Variants in MICALL1 observed in about 807,000 individuals in gnomAD.
MICALL1 encodes MICAL like 1, also known as MICAL-like protein 1.
In MICALL1, 61 loss-of-function variants were observed where a neutral mutation model predicts 83.7. That is an observed-to-expected ratio of 0.73 (90% CI 0.59 to 0.90). MICALL1 has a LOEUF of 0.90. MICALL1 is among the 40% of genes least tolerant of loss of function. The pLI, the probability that MICALL1 is intolerant of heterozygous loss-of-function variation, is 0.00. For synonymous variants in MICALL1, 481 were observed against 473.6 expected (o/e 1.02, Z -0.20); for missense variants, 1,066 against 1,152.0 (o/e 0.93, Z 1.08).
intron 2 of MICALL1, 35 bp downstream of exon 2, chr22:37,912,035 C>CTGTG: frequency 6.3e-7 from 1 of 1,586,510 alleles, no homozygotes; most frequent in Non-Finnish European, 8.6e-7. Context: ...CCAAGAGGCT[C>CTGTG]TGTGTATGTG....
In MICALL1 at chr22:37,930,455, C is replaced by G. The variant is rs1002389430; in HGVS notation, c.1882-1344C>G. 6.6e-6 allele frequency among the ~76,000 whole-genome samples: 1 copy of G among 152,216 alleles called. No homozygotes were observed. The highest frequency in any genetic ancestry group is 1.5e-5 in the Non-Finnish European group (1 of 68,038). On this transcript the variant is annotated intron_variant, in intron 9 of 15. Transcript: ENST00000215957. The surrounding 1 kb of genome is among the most constrained non-coding windows in gnomAD (Gnocchi z 4.8). ...CAGAAACCCCAGAGCAGCTCCCACCCCGAGAGCCTCTCTCCCTGGGCTGGC... is the reference window on the plus strand; with the variant it reads ...CAGAAACCCCAGAGCAGCTCCCACCGCGAGAGCCTCTCTCCCTGGGCTGGC...
chr22:37,919,280 A>G (rs1237156914), intron 5 of MICALL1, 102 bp downstream of exon 5: 4 of 1,332,062 alleles, frequency 3.0e-6, no homozygotes, highest in Non-Finnish European at 3.9e-6. Flanking sequence ...CCTTCACACC[A>G]GAGCCCCTGG....
intron 14 of MICALL1, among the ~76,000 whole-genome samples, 171 bp from the exon 15 acceptor site, chr22:37,937,575 C>T (rs1266485234): frequency 6.6e-6 from 1 of 152,262 alleles, no homozygotes; most frequent in African/African-American, 2.4e-5. Context: ...AGGCATGAGC[C>T]ACCACACCCA....
Position 37,924,737 on chromosome 22 carries a change from G to A in MICALL1, c.1082+20G>A. 1 of 1,609,794 alleles carries A rather than the reference G, an allele frequency of 6.2e-7. No homozygotes were observed. The highest frequency in any genetic ancestry group is 8.5e-7 in the Non-Finnish European group (1 of 1,177,724). ...CGAGGGGTATGTCGATCCCTGAGGG[G>A]CTTTCCTGCTTTGGAGGTCCTGGTG... On this transcript the variant is annotated intron_variant, in intron 7 of 15. Coordinates refer to ENST00000215957, the MANE Select transcript of MICALL1 (RefSeq NM_033386.4). This position sits in a 1 kb window ranked among gnomAD's most constrained non-coding sequence, Gnocchi z 5.2.
intron 8 of MICALL1, 46 bp downstream of exon 8, chr22:37,926,089 T>G (rs1601823741): frequency 2.0e-6 from 3 of 1,503,552 alleles, no homozygotes; most frequent in Non-Finnish European, 1.8e-6. Flanking sequence ...AACTCGGGGG[T>G]GGGGCCCGGG....
chr22:37,920,385 G>A (rs901485785), intron 5 of MICALL1, among the ~76,000 whole-genome samples: 3 of 151,996 alleles, frequency 2.0e-5, no homozygotes, highest in Non-Finnish European at 4.4e-5. Context: ...GAACCTGACC[G>A]CAGAATTGGG....
chr22:37,919,138 T>A lies in MICALL1; in HGVS notation c.529T>A (p.Tyr177Asn), dbSNP rs1472622255. 6.5e-7 allele frequency: 1 copy of A among 1,549,350 alleles called. No homozygotes were observed. The highest frequency in any genetic ancestry group is 2.4e-5 in the East Asian group (1 of 40,830). Reference sequence around the variant, plus strand: ...GCAGCATGTGCACTTGGTGCAGCGCTACCTGGCTGACGGCAGGCTGTACCA... The same window carrying A: ...GCAGCATGTGCACTTGGTGCAGCGCAACCTGGCTGACGGCAGGCTGTACCA... ...CQQHVHLVQR[Y>N]LADGRLYHRH... is the part of the protein sequence containing the mutation. The change falls in exon 5 of 16, where the codon TAC becomes AAC. Residue 177 changes from tyrosine to asparagine, a missense_variant. Transcript: ENST00000215957.
Position 37,919,215 on chromosome 22 carries a change from G to T in MICALL1, c.569+37G>T, listed in dbSNP as rs1449945134. 12 of 1,482,426 alleles carry T rather than the reference G, an allele frequency of 8.1e-6. No individual in the cohort carries two copies. In the South Asian group the frequency reaches 9.2e-5, roughly 11 times the overall value. The allele number at this position is 1,482,426 out of a possible 1,614,324, so 91.8% of individuals were successfully genotyped here. On this transcript the variant is annotated intron_variant, in intron 5 of 15. Coordinates refer to ENST00000215957, the MANE Select transcript of MICALL1 (RefSeq NM_033386.4). ...GGGCCGCGTGTTACCCCCGAAACCA[G>T]GGAGGGGGCTACCGTGGGTTCAGCA... is the stretch of plus-strand genomic sequence containing the variant.
intron 15 of MICALL1, 21 bp downstream of exon 15, chr22:37,937,813 G>T: frequency 6.2e-7 from 1 of 1,612,988 alleles, no homozygotes; most frequent in South Asian, 1.1e-5. Flanking sequence ...TGCTGGGGAT[G>T]AGGCTGGTGA....
intron 3 of MICALL1, 117 bp downstream of exon 3, chr22:37,912,609 A>C: frequency 1.1e-6 from 1 of 904,842 alleles, no homozygotes; most frequent in South Asian, 3.4e-5. Flanking sequence ...TGTGTCATTC[A>C]TTTACTTATT....
At position 37,921,965 on chromosome 22, in the gene MICALL1, C is replaced by T; in HGVS notation, c.570-7C>T. Reference sequence around the variant, plus strand: ...GCTAAGTGAACCCCTGTCCTGTCCCCTGCCAGGTGTCGGCGGTGCTCCAGC... The same window carrying T: ...GCTAAGTGAACCCCTGTCCTGTCCCTTGCCAGGTGTCGGCGGTGCTCCAGC... On this transcript the variant is annotated splice_region_variant and splice_polypyrimidine_tract_variant and intron_variant, in intron 5 of 15. Transcript: ENST00000215957. 1 of 1,557,068 alleles carries T rather than the reference C, an allele frequency of 6.4e-7. No homozygotes were observed. The highest frequency in any genetic ancestry group is 1.7e-4 in the Middle Eastern group (1 of 5,770).
At chr22:37,928,486 G>A (rs1045779078) in intron 9 of MICALL1, among the ~76,000 whole-genome samples, 23 of 152,192 alleles carry the variant, frequency 1.5e-4, no homozygotes, top group African/African-American at 5.5e-4. Context: ...AATTACAGGC[G>A]TGAGCCACTG....
At chr22:37,910,011 G>A (rs765772011) in intron 1 of MICALL1, among the ~76,000 whole-genome samples, 1 of 152,154 alleles carries the variant, frequency 6.6e-6, no homozygotes, top group Admixed American at 6.5e-5. Context: ...CGCACCACCC[G>A]AAATCCAGAC....
chr22:37,933,180 G>T (rs1017887685), intron 13 of MICALL1, 68 bp downstream of exon 13: 4 of 1,532,732 alleles, frequency 2.6e-6, no homozygotes, highest in Non-Finnish European at 2.7e-6. Flanking sequence ...GAGTGGGGGA[G>T]CGGGCAGACA....
chr22:37,907,734 C>T (rs551951332), intron 1 of MICALL1, among the ~76,000 whole-genome samples: 12 of 152,266 alleles, frequency 7.9e-5, no homozygotes, highest in Non-Finnish European at 1.5e-4. Context: ...CCTGCAGTAC[C>T]GTGTCTGTGG....
intron 13 of MICALL1, among the ~76,000 whole-genome samples, chr22:37,933,586 C>T (rs1367825211): frequency 1.3e-5 from 2 of 152,254 alleles, no homozygotes; most frequent in East Asian, 3.9e-4. Context: ...TGGACGTGGA[C>T]TCTGTACCCT....
chr22:37,923,685 C>T (rs1929239971), intron 6 of MICALL1, among the ~76,000 whole-genome samples: 2 of 152,196 alleles, frequency 1.3e-5, no homozygotes, highest in African/African-American at 4.8e-5. Context: ...TTCTTGTGGG[C>T]TTTAGTTTCA....
intron 8 of MICALL1, 84 bp downstream of exon 8, chr22:37,926,127 G>T: frequency 6.9e-7 from 1 of 1,451,656 alleles, no homozygotes; most frequent in East Asian, 2.4e-5. Context: ...GTGGGGCAGA[G>T]CCTACCAGGC....
chr22:37,936,111 G>A (rs2145952093), intron 13 of MICALL1, among the ~76,000 whole-genome samples: 1 of 152,306 alleles, frequency 6.6e-6, no homozygotes, highest in East Asian at 1.9e-4. Context: ...CATCCCTGGA[G>A]CCTGCAGGCT....
Sources: allele counts gnomAD v4.1 joint callset (sites outside exome capture counted in the v4.1 genomes callset), GRCh38; gene constraint gnomAD v4.1.1; non-coding constraint Gnocchi (gnomAD v3.1); transcripts MANE v1.5; gene names NCBI Gene and HGNC (gene_info 2026-07-23, HGNC 2026-07-21).